Variants in CPA6 observed in about 807,000 individuals in gnomAD.
The protein encoded by CPA6 is carboxypeptidase B.
In CPA6, 58 loss-of-function variants were observed where a neutral mutation model predicts 63.3. The observed-to-expected ratio is 0.92, with a 90% CI of 0.74 to 1.14. The LOEUF (loss-of-function observed/expected upper bound fraction) is 1.14, where lower values mean the gene tolerates loss of function less well. CPA6 is among the 50% of genes most tolerant of loss of function. The probability of loss-of-function intolerance (pLI) is 0.00; values close to 1 mark genes in which losing one functional copy is unlikely to be tolerated. For missense variants in CPA6, 565 were observed against 526.6 expected, an observed-to-expected ratio of 1.07 and a Z score of -0.71; for synonymous variants, 185 against 179.0, an observed-to-expected ratio of 1.03 and a Z score of -0.27.
At chr8:67,600,474 T>C (rs1054871321) in intron 2 of CPA6, among the ~76,000 whole-genome samples, 6 of 152,198 alleles carry the variant, frequency 3.9e-5, no homozygotes, top group Admixed American at 2.6e-4. Context: ...TAACAATGTA[T>C]TGTATTCCTG....
At chr8:67,631,081 A>C (rs1023877510) in intron 1 of CPA6, among the ~76,000 whole-genome samples, 2 of 152,164 alleles carry the variant, frequency 1.3e-5, no homozygotes, top group Non-Finnish European at 2.9e-5. Context: ...CCCATCGACC[A>C]CCCAAGGGCT....
chr8:67,634,179 A>AATTATTATTATTATTATT (rs36123716), intron 1 of CPA6, among the ~76,000 whole-genome samples: 1 of 139,914 alleles, frequency 7.1e-6, no homozygotes, highest in African/African-American at 2.8e-5. Context: ...CACTGGATTT[A>AATTATTATTATTATTATT]ATTATTATTA....
Position 67,623,143 on chromosome 8 carries a change from C to T in CPA6, c.192+1033G>A, listed in dbSNP as rs534963350. 1.6e-4 allele frequency among the ~76,000 whole-genome samples: 24 copies of T among 152,338 alleles called. No individual in the cohort carries two copies. In the South Asian group the frequency reaches 5.0e-3, roughly 32 times the overall value. ...CTGGCTTTAATTTTTCCTCAACTCA[C>T]TTCTGCTTAAAGTTTTAATTAAGAG... On this transcript the variant is annotated intron_variant, in intron 2 of 10. Coordinates refer to ENST00000297770, the MANE Select transcript of CPA6 (RefSeq NM_020361.5).
At chr8:67,429,918 C>T (rs887200466) in intron 9 of CPA6, among the ~76,000 whole-genome samples, 2 of 152,040 alleles carry the variant, frequency 1.3e-5, no homozygotes, top group Non-Finnish European at 2.9e-5. Context: ...GGTACTGGTG[C>T]GTGTTGACTA....
chr8:67,450,609 A>G (rs1810535640), intron 8 of CPA6, among the ~76,000 whole-genome samples: 1 of 152,220 alleles, frequency 6.6e-6, no homozygotes, highest in South Asian at 2.1e-4. Flanking sequence ...TGTACTGAAA[A>G]CAGGACCAGT....
intron 2 of CPA6, among the ~76,000 whole-genome samples, chr8:67,524,314 A>G (rs1812318964): frequency 6.6e-6 from 1 of 152,218 alleles, no homozygotes; most frequent in African/African-American, 2.4e-5. Context: ...TAGGGCCGTC[A>G]TAACAAATTG....
chr8:67,425,105 C>G (rs1436508503), intron 10 of CPA6, among the ~76,000 whole-genome samples: 1 of 152,156 alleles, frequency 6.6e-6, no homozygotes, highest in Non-Finnish European at 1.5e-5. Context: ...GGAAAGTACT[C>G]AAGATATATT....
chr8:67,664,944 CAA>C (rs1012346636), intron 1 of CPA6, among the ~76,000 whole-genome samples: 136 of 152,050 alleles, frequency 8.9e-4, no homozygotes, highest in African/African-American at 3.2e-3. Flanking sequence ...TACACTAAAC[CAA>C]AAGAGATCAA....
chr8:67,459,502 A>C (rs1209936431), intron 8 of CPA6, among the ~76,000 whole-genome samples: 2 of 152,242 alleles, frequency 1.3e-5, no homozygotes, highest in African/African-American at 2.4e-5. Flanking sequence ...ACTAAGTGAA[A>C]GAAGCCAATC....
At chr8:67,484,101 G>A (rs1811419942) in intron 7 of CPA6, among the ~76,000 whole-genome samples, 4 of 150,238 alleles carry the variant, frequency 2.7e-5, no homozygotes, top group Admixed American at 2.7e-4. Flanking sequence ...ACAGAGTCTC[G>A]CTCTATCGCC....
At chr8:67,433,054 G>A (rs1021282310) in intron 9 of CPA6, among the ~76,000 whole-genome samples, 5 of 152,158 alleles carry the variant, frequency 3.3e-5, no homozygotes, top group Non-Finnish European at 1.5e-5. Flanking sequence ...TGTTGGAGAG[G>A]TGGTACTGGA....
intron 2 of CPA6, among the ~76,000 whole-genome samples, chr8:67,578,351 G>A (rs189521331): frequency 3.3e-5 from 5 of 152,296 alleles, no homozygotes; most frequent in Admixed American, 6.5e-5. Context: ...TGAATGATGC[G>A]GATCTCCTCC....
At chr8:67,540,168 C>A (rs898770426) in intron 2 of CPA6, among the ~76,000 whole-genome samples, 1 of 151,460 alleles carries the variant, frequency 6.6e-6, no homozygotes, top group Non-Finnish European at 1.5e-5. Context: ...ATGTTGGTGA[C>A]CTTTGGATGG....
intron 8 of CPA6, 60 bp downstream of exon 8, chr8:67,483,708 T>G (rs1203034017): frequency 7.2e-7 from 1 of 1,381,928 alleles, no homozygotes; most frequent in Non-Finnish European, 1.0e-6. Context: ...GGACTCATAT[T>G]TTGCAGAGTA....
intron 1 of CPA6, among the ~76,000 whole-genome samples, chr8:67,708,091 G>A (rs1346309573): frequency 1.3e-5 from 2 of 152,098 alleles, no homozygotes; most frequent in Admixed American, 6.6e-5. Flanking sequence ...CATGAGGAGA[G>A]GAATTTACCC....
At chr8:67,688,088 C>T (rs1212499191) in intron 1 of CPA6, among the ~76,000 whole-genome samples, 1 of 152,096 alleles carries the variant, frequency 6.6e-6, no homozygotes, top group Non-Finnish European at 1.5e-5. Flanking sequence ...GGGAGGATCA[C>T]CAGAATATGA....
In CPA6 at chr8:67,642,333, T is replaced by A. The variant is rs552519285; in HGVS notation, c.117-18082A>T. ...ACTCCATCTCAAAAAAAAAAAAAAA[T>A]ATTGATTAAAAGACATTAAAGGGGA... On this transcript the variant is annotated intron_variant, in intron 1 of 10. Coordinates refer to ENST00000297770, the MANE Select transcript of CPA6 (RefSeq NM_020361.5). Among the ~76,000 whole-genome samples the A allele has an allele frequency of 8.5e-3, 1,267 of 148,758 alleles. 25 individuals carry two copies. The highest frequency in any genetic ancestry group is 0.027 in the African/African-American group (1,100 of 40,146).
intron 1 of CPA6, among the ~76,000 whole-genome samples, chr8:67,634,236 T>C (rs1815415854): frequency 6.8e-6 from 1 of 147,796 alleles, no homozygotes; most frequent in East Asian, 1.9e-4. Flanking sequence ...TGTTTTTTTT[T>C]TGAGACGGAG....
At chr8:67,434,316 C>T (rs749823127) in intron 8 of CPA6, 76 bp from the exon 9 acceptor site, 6 of 1,158,490 alleles carry the variant, frequency 5.2e-6, no homozygotes, top group Non-Finnish European at 7.5e-6. Flanking sequence ...CACTGTTAAG[C>T]TGTGATTTTT....
Sources: gnomAD v4.1 joint callset for allele counts (sites outside exome capture counted in the v4.1 genomes callset) on GRCh38, gnomAD v4.1.1 for gene constraint, MANE v1.5 for transcripts, NCBI Gene and HGNC (gene_info 2026-07-23, HGNC 2026-07-21) for gene names.